RBFOX1: variants seen among roughly 807,000 people sequenced by gnomAD.
The protein encoded by RBFOX1 is RNA binding protein fox-1 homolog 1.
Under a neutral mutation model 57.7 loss-of-function variants are expected in RBFOX1, and 8 were observed. That is an observed-to-expected ratio of 0.14 (90% CI 0.08 to 0.25). The LOEUF (loss-of-function observed/expected upper bound fraction) is 0.25, where lower values mean the gene tolerates loss of function less well. Among genes scored for constraint, RBFOX1 ranks in the 10% least tolerant of loss-of-function variants. The probability of loss-of-function intolerance (pLI) is 1.00; values close to 1 mark genes in which losing one functional copy is unlikely to be tolerated. For synonymous variants in RBFOX1, 326 were observed against 222.4 expected, an observed-to-expected ratio of 1.47 and a Z score of -4.15; for missense variants, 611 against 548.5, an observed-to-expected ratio of 1.11 and a Z score of -1.14.
At chr16:5,688,909 C>T (rs2050586632) in intron 3 of RBFOX1, among the ~76,000 whole-genome samples, 1 of 152,164 alleles carries the variant, frequency 6.6e-6, no homozygotes, top group African/African-American at 2.4e-5. Flanking sequence ...GAGTTTCAGT[C>T]TCTAGATTAA....
chr16:6,920,811 C>G (rs1367490296), intron 3 of RBFOX1, among the ~76,000 whole-genome samples: 1 of 152,160 alleles, frequency 6.6e-6, no homozygotes, highest in East Asian at 1.9e-4. Context: ...CACCCTGAAT[C>G]CAGGATGATT....
At chr16:6,925,847 G>A (rs567851111) in intron 3 of RBFOX1, among the ~76,000 whole-genome samples, 1 of 151,712 alleles carries the variant, frequency 6.6e-6, no homozygotes, top group African/African-American at 2.4e-5. Flanking sequence ...GCAAGGTTAT[G>A]TGATTTAAAA....
At chr16:7,321,565 C>T (rs1479285918) in intron 4 of RBFOX1, among the ~76,000 whole-genome samples, 1 of 152,214 alleles carries the variant, frequency 6.6e-6, no homozygotes, top group East Asian at 1.9e-4. Flanking sequence ...GGGCAAGTTA[C>T]TTGACCACTC....
intron 3 of RBFOX1, among the ~76,000 whole-genome samples, chr16:6,672,953 G>C (rs1425335673): frequency 1.3e-5 from 2 of 152,076 alleles, no homozygotes; most frequent in East Asian, 1.9e-4. Flanking sequence ...GATCAACCTG[G>C]TCTGAATTGT....
intron 2 of RBFOX1, among the ~76,000 whole-genome samples, chr16:6,479,444 C>A (rs2095334855): frequency 6.6e-6 from 1 of 151,348 alleles, no homozygotes; most frequent in Admixed American, 6.6e-5. Flanking sequence ...AAAATTTAGC[C>A]CGGCATGGTG....
intron 1 of RBFOX1, among the ~76,000 whole-genome samples, chr16:5,367,165 T>G (rs906144548): frequency 1.3e-5 from 2 of 152,240 alleles, no homozygotes; most frequent in Admixed American, 6.5e-5. Context: ...AAATTTGATC[T>G]GGTTTTTATA....
At chr16:7,147,627 C>G (rs550960334) in intron 4 of RBFOX1, among the ~76,000 whole-genome samples, 1 of 152,144 alleles carries the variant, frequency 6.6e-6, no homozygotes, top group Non-Finnish European at 1.5e-5. Context: ...GCTGCATTCA[C>G]GTTGCTGCAA....
chr16:6,083,984 A>T (rs2096049875), intron 1 of RBFOX1, among the ~76,000 whole-genome samples: 1 of 152,212 alleles, frequency 6.6e-6, no homozygotes, highest in African/African-American at 2.4e-5. Context: ...TTCAAAAATG[A>T]TGTCAAATTT....
Position 5,312,299 on chromosome 16 carries a change from T to C in RBFOX1, c.219+72194T>C, listed in dbSNP as rs139804532. ...AACTTAGGGCGGAATTTCTCCCAACTGGGAAGACATGTCTTTTTCCTTTTT... is the reference window on the plus strand; with the variant it reads ...AACTTAGGGCGGAATTTCTCCCAACCGGGAAGACATGTCTTTTTCCTTTTT... On this transcript the variant is annotated intron_variant, in intron 1 of 2. Transcript: ENST00000585867. Among the ~76,000 whole-genome samples the C allele has an allele frequency of 1.4e-4, 22 of 152,286 alleles. No individual in the cohort carries two copies. In the East Asian group the frequency reaches 4.1e-3, roughly 28 times the overall value.
chr16:7,400,335 T>C (rs904425835), intron 4 of RBFOX1, among the ~76,000 whole-genome samples: 1 of 152,000 alleles, frequency 6.6e-6, no homozygotes, highest in African/African-American at 2.4e-5. Flanking sequence ...CTGCCCCCTC[T>C]CTCCTCCCAC....
intron 1 of RBFOX1, among the ~76,000 whole-genome samples, chr16:5,321,938 C>T (rs929601999): frequency 2.0e-5 from 3 of 152,138 alleles, no homozygotes; most frequent in Non-Finnish European, 4.4e-5. Context: ...TGCTCTCTTG[C>T]TACCCTGATG....
intron 4 of RBFOX1, among the ~76,000 whole-genome samples, chr16:7,142,896 G>T (rs1490111879): frequency 2.1e-5 from 3 of 144,564 alleles, no homozygotes; most frequent in African/African-American, 5.0e-5. Context: ...ATCATCTGCA[G>T]ACACATCTGC....
At chr16:7,051,311 C>T (rs951333920) in intron 3 of RBFOX1, among the ~76,000 whole-genome samples, 1 of 152,164 alleles carries the variant, frequency 6.6e-6, no homozygotes, top group Non-Finnish European at 1.5e-5. Flanking sequence ...TACGACTCCA[C>T]CCATCCCCTT....
At chr16:6,261,378 G>A (rs1000104649) in intron 1 of RBFOX1, among the ~76,000 whole-genome samples, 1 of 152,164 alleles carries the variant, frequency 6.6e-6, no homozygotes, top group Non-Finnish European at 1.5e-5. Flanking sequence ...TACCAAAATA[G>A]TACGTCAAAG....
intron 4 of RBFOX1, among the ~76,000 whole-genome samples, chr16:7,308,252 A>T (rs1217475347): frequency 1.3e-5 from 2 of 149,984 alleles, no homozygotes; most frequent in African/African-American, 4.9e-5. Context: ...GGATGATGAG[A>T]TTCGTTTTCT....
intron 3 of RBFOX1, among the ~76,000 whole-genome samples, chr16:6,819,598 G>A (rs554155708): frequency 5.3e-5 from 8 of 151,316 alleles, no homozygotes; most frequent in South Asian, 2.1e-4. Flanking sequence ...CCAGCTACTC[G>A]GGAGGCTGAG....
At chr16:5,717,486 C>G (rs1409563202) in intron 3 of RBFOX1, among the ~76,000 whole-genome samples, 1 of 152,128 alleles carries the variant, frequency 6.6e-6, no homozygotes, top group African/African-American at 2.4e-5. Flanking sequence ...AATATGTAGT[C>G]TTTTATCTCT....
chr16:6,376,322 G>T (rs1325000472), intron 2 of RBFOX1, among the ~76,000 whole-genome samples: 1 of 137,116 alleles, frequency 7.3e-6, no homozygotes. Context: ...GTTGTTGTTT[G>T]CAAGGGCCCC....
At chr16:6,637,378 TACAAA>T in intron 2 of RBFOX1, among the ~76,000 whole-genome samples, 1 of 78,670 alleles carries the variant, frequency 1.3e-5, no homozygotes, top group African/African-American at 5.8e-5. Flanking sequence ...ATATATAATA[TACAAA>T]TATATATTAT....
Sources: gnomAD v4.1 joint callset for allele counts (sites outside exome capture counted in the v4.1 genomes callset) on GRCh38, gnomAD v4.1.1 for gene constraint, MANE v1.5 for transcripts, NCBI Gene and HGNC (gene_info 2026-07-23, HGNC 2026-07-21) for gene names.